Variants in CADM1 observed in about 807,000 individuals in gnomAD.
The protein encoded by CADM1 is cell adhesion molecule 1.
A neutral mutation model predicts 53.1 loss-of-function variants in CADM1; 15 were observed. That is an observed-to-expected ratio of 0.28 (90% CI 0.19 to 0.44). The LOEUF (loss-of-function observed/expected upper bound fraction) is 0.44, where lower values mean the gene tolerates loss of function less well. Among genes scored for constraint, CADM1 ranks in the 20% least tolerant of loss-of-function variants. The pLI is 1.00. For synonymous variants in CADM1, 281 were observed against 243.0 expected (o/e 1.16, Z -1.45); for missense variants, 434 against 611.3 (o/e 0.71, Z 3.06).
At chr11:115,501,054 T>G (rs1466987117) in intron 1 of CADM1, among the ~76,000 whole-genome samples, 1 of 152,230 alleles carries the variant, frequency 6.6e-6, no homozygotes, top group Non-Finnish European at 1.5e-5. Flanking sequence ...GCCTGCTCTT[T>G]TATTCCCCCC....
intron 1 of CADM1, among the ~76,000 whole-genome samples, chr11:115,293,176 T>C (rs1283547877): frequency 2.6e-5 from 4 of 152,214 alleles, no homozygotes; most frequent in African/African-American, 9.6e-5. Context: ...CTCACGCCTG[T>C]AATCCCAGCA....
At chr11:115,406,553 T>C (rs1267411205) in intron 1 of CADM1, among the ~76,000 whole-genome samples, 1 of 148,106 alleles carries the variant, frequency 6.8e-6, no homozygotes, top group Non-Finnish European at 1.5e-5. Context: ...AATGTAATAC[T>C]TATATAATTA....
chr11:115,222,199 C>A (rs1941432526), intron 5 of CADM1, among the ~76,000 whole-genome samples: 2 of 152,038 alleles, frequency 1.3e-5, no homozygotes, highest in Non-Finnish European at 2.9e-5. Flanking sequence ...TGGGTCAGCC[C>A]CTGTGCATTC....
chr11:115,330,029 G>A (rs527848347), intron 1 of CADM1, among the ~76,000 whole-genome samples: 36 of 151,364 alleles, frequency 2.4e-4, no homozygotes, highest in African/African-American at 8.0e-4. Flanking sequence ...ACAGGATAGA[G>A]GGGTGCAGCA....
At position 115,437,446 on chromosome 11, in the gene CADM1, G is replaced by A. The variant is rs570662393; in HGVS notation, c.124+66825C>T. Among the ~76,000 whole-genome samples the A allele has an allele frequency of 4.6e-5, 7 of 152,278 alleles. No individual in the cohort carries two copies. The East Asian group carries it at 1.4e-3, about 29-fold the overall frequency. ...CCACATCAGCCAAAAACTGCCAGTT[G>A]TTTCCCTCTGATTAATTTGGGATAT... On this transcript the variant is annotated intron_variant, in intron 1 of 11. Coordinates refer to ENST00000331581, the MANE Select transcript of CADM1 (RefSeq NM_001301043.2).
At chr11:115,376,211 T>G (rs1377327086) in intron 1 of CADM1, among the ~76,000 whole-genome samples, 1 of 152,142 alleles carries the variant, frequency 6.6e-6, no homozygotes, top group Non-Finnish European at 1.5e-5. Context: ...AATGGGGAAA[T>G]AGTGCTATAA....
intron 1 of CADM1, among the ~76,000 whole-genome samples, chr11:115,433,608 C>A (rs1948110960): frequency 6.6e-6 from 1 of 152,192 alleles, no homozygotes; most frequent in African/African-American, 2.4e-5. Context: ...TACACAGGAT[C>A]CTCAATCACA....
rs770624637 is a variant in CADM1 at position 115,217,971 on chromosome 11, G to C, written c.742C>G (p.Gln248Glu). Residue 248 changes from glutamine (Q) to glutamate (E), a missense_variant, in exon 6 of 12, where the codon CAG becomes GAG. Physicochemically the swap from Gln to Glu is conservative, Grantham distance 29. Transcript: ENST00000331581. ...AAGCCTTGTAGAGGATAAGTCATCTGAATGTGCACTTGAGGCTTATCTGTG... is the reference window on the plus strand; with the variant it reads ...AAGCCTTGTAGAGGATAAGTCATCTCAATGTGCACTTGAGGCTTATCTGTG... Reference protein sequence around the residue: ...EVQYKPQVHIQMTYPLQGLTR... With the variant: ...EVQYKPQVHIEMTYPLQGLTR... The C allele has an allele frequency of 6.2e-7, 1 of 1,612,920 alleles. No homozygotes were observed. Among genetic ancestry groups the C allele is most frequent in the Middle Eastern group, 1.7e-4 (1 of 6,052 alleles).
chr11:115,396,427 T>G (rs1032366762), intron 1 of CADM1, among the ~76,000 whole-genome samples: 4 of 152,184 alleles, frequency 2.6e-5, no homozygotes, highest in Admixed American at 2.0e-4. Flanking sequence ...CTACATAACA[T>G]TTTTTCCTTA....
intron 1 of CADM1, among the ~76,000 whole-genome samples, chr11:115,389,896 GTTAT>G (rs1946791414): frequency 6.6e-6 from 1 of 152,142 alleles, no homozygotes; most frequent in Non-Finnish European, 1.5e-5. Context: ...AGGAACACCT[GTTAT>G]GTAAGTAAAT....
chr11:115,423,285 A>G (rs1947806413), intron 1 of CADM1, among the ~76,000 whole-genome samples: 1 of 152,156 alleles, frequency 6.6e-6, no homozygotes, highest in South Asian at 2.1e-4. Flanking sequence ...TTGTTATTTG[A>G]GTTTCCCCCC....
intron 1 of CADM1, among the ~76,000 whole-genome samples, chr11:115,335,068 C>T (rs60383050): frequency 0.014 from 2,113 of 152,164 alleles, 45 homozygotes; most frequent in African/African-American, 0.042. Context: ...TTCAAAAATA[C>T]TTGCATTTCC....
At chr11:115,294,989 A>C (rs1944012291) in intron 1 of CADM1, among the ~76,000 whole-genome samples, 1 of 152,162 alleles carries the variant, frequency 6.6e-6, no homozygotes, top group Non-Finnish European at 1.5e-5. Flanking sequence ...CAGTGAGCCG[A>C]GATCACGCCA....
intron 1 of CADM1, among the ~76,000 whole-genome samples, chr11:115,408,061 T>A (rs973403142): frequency 1.2e-4 from 18 of 151,802 alleles, no homozygotes; most frequent in Admixed American, 2.0e-4. Flanking sequence ...GCTCAGAAAC[T>A]AAATGACAAG....
chr11:115,252,133 AT>A (rs1187521162), intron 1 of CADM1, among the ~76,000 whole-genome samples: 11 of 152,210 alleles, frequency 7.2e-5, no homozygotes, highest in Non-Finnish European at 1.0e-4. Flanking sequence ...GAAAACAGGA[AT>A]TTTTGTTGTA....
intron 1 of CADM1, among the ~76,000 whole-genome samples, chr11:115,259,404 T>G (rs1009180963): frequency 1.5e-4 from 21 of 144,636 alleles, no homozygotes; most frequent in African/African-American, 5.2e-4. Flanking sequence ...CTCCCAGGTT[T>G]AAGTGATCCT....
chr11:115,380,039 C>T (rs1380296683), intron 1 of CADM1, among the ~76,000 whole-genome samples: 2 of 152,104 alleles, frequency 1.3e-5, no homozygotes. Flanking sequence ...GTACTAGTTC[C>T]GGTCCTTAAA....
intron 1 of CADM1, among the ~76,000 whole-genome samples, chr11:115,469,629 G>A (rs17451771): frequency 0.04 from 5,882 of 147,336 alleles, 167 homozygotes; most frequent in Middle Eastern, 0.1. Flanking sequence ...TCATGAGGAA[G>A]TGAAACTTTT....
At chr11:115,385,396 T>A (rs1357169604) in intron 1 of CADM1, among the ~76,000 whole-genome samples, 1 of 152,176 alleles carries the variant, frequency 6.6e-6, no homozygotes, top group Non-Finnish European at 1.5e-5. Context: ...CAGGTCTCCA[T>A]CTGTTCATTT....
Sources: gnomAD v4.1 joint callset for allele counts (sites outside exome capture counted in the v4.1 genomes callset) on GRCh38, gnomAD v4.1.1 for gene constraint, MANE v1.5 for transcripts, NCBI Gene and HGNC (gene_info 2026-07-23, HGNC 2026-07-21) for gene names.